PRKAR1A: variants seen among roughly 807,000 people sequenced by gnomAD.
PRKAR1A encodes cAMP-dependent protein kinase type I-alpha regulatory subunit.
In PRKAR1A, 3 loss-of-function variants were observed where a neutral mutation model predicts 52.0. That is an observed-to-expected ratio of 0.06 (90% confidence interval 0.03 to 0.15). The LOEUF is 0.15. Ranked by LOEUF, PRKAR1A falls within the 10% of genes least tolerant of loss-of-function variation. PRKAR1A has a pLI of 1.00. For synonymous variants in PRKAR1A, 188 were observed against 168.4 expected (o/e 1.12, Z -0.90); for missense variants, 240 against 477.4 (o/e 0.50, Z 4.63).
chr17:68,446,903 G>A, the PRKAR1A span, among the ~76,000 whole-genome samples: 1 of 152,170 alleles, frequency 6.6e-6, no homozygotes, highest in African/African-American at 2.4e-5. Flanking sequence ...ACTAAACGCA[G>A]AGGGAAACAG....
At chr17:68,417,832 G>A in the PRKAR1A span, among the ~76,000 whole-genome samples, 1 of 131,362 alleles carries the variant, frequency 7.6e-6, no homozygotes, top group African/African-American at 2.8e-5. Flanking sequence ...CCAGGTTCAC[G>A]TGGTTCTCCT....
the PRKAR1A span, among the ~76,000 whole-genome samples, chr17:68,446,357 A>AT: frequency 6.6e-6 from 1 of 151,668 alleles, no homozygotes; most frequent in South Asian, 2.1e-4. Flanking sequence ...ATTTTTTGGT[A>AT]TTTTTTGTAG....
At chr17:68,448,876 T>C in the PRKAR1A span, among the ~76,000 whole-genome samples, 2 of 152,214 alleles carry the variant, frequency 1.3e-5, no homozygotes, top group African/African-American at 2.4e-5. Context: ...CAAACTGCCT[T>C]TCCCTCCCTT....
At chr17:68,438,428 G>T in the PRKAR1A span, among the ~76,000 whole-genome samples, 1 of 152,340 alleles carries the variant, frequency 6.6e-6, no homozygotes, top group East Asian at 1.9e-4. Flanking sequence ...TTGTGAAACT[G>T]GGGAGGGAAG....
chr17:68,525,657 G>A, intron 6 of PRKAR1A, 97 bp from the exon 7 acceptor site: 1 of 1,343,526 alleles, frequency 7.4e-7, no homozygotes, highest in Non-Finnish European at 1.1e-6. Flanking sequence ...TTAAAACAAA[G>A]TTCAGGATTG....
chr17:68,420,151 C>T, the PRKAR1A span: 2 of 1,606,318 alleles, frequency 1.2e-6, no homozygotes, highest in Admixed American at 3.4e-5. Flanking sequence ...GGGCAACTGT[C>T]AGGGTTAGCG....
the PRKAR1A span, among the ~76,000 whole-genome samples, chr17:68,470,859 T>C: frequency 2.0e-5 from 3 of 152,174 alleles, no homozygotes; most frequent in Non-Finnish European, 2.9e-5. Context: ...AAATAATGTA[T>C]GAAAGATTGC....
the PRKAR1A span, among the ~76,000 whole-genome samples, chr17:68,479,321 CAT>C: frequency 1.7e-4 from 26 of 152,180 alleles, no homozygotes; most frequent in Admixed American, 4.6e-4. Flanking sequence ...GTACAGATGA[CAT>C]AATCTCTTTT....
the PRKAR1A span, among the ~76,000 whole-genome samples, chr17:68,469,102 A>G: frequency 2.0e-5 from 3 of 152,204 alleles, no homozygotes; most frequent in African/African-American, 7.2e-5. Context: ...GTCCTGCTTC[A>G]GTGACTCCCA....
chr17:68,495,607 T>C, the PRKAR1A span, among the ~76,000 whole-genome samples: 1 of 152,206 alleles, frequency 6.6e-6, no homozygotes, highest in Admixed American at 6.5e-5. Flanking sequence ...ATGTTTGTAT[T>C]GCACGTGCTT....
the PRKAR1A span, among the ~76,000 whole-genome samples, chr17:68,460,445 G>C: frequency 3.3e-5 from 5 of 152,234 alleles, no homozygotes; most frequent in Non-Finnish European, 5.9e-5. Context: ...CAGCAGAACT[G>C]CATGCTTACT....
chr17:68,450,865 G>C, the PRKAR1A span: 1 of 1,613,894 alleles, frequency 6.2e-7, no homozygotes, highest in Non-Finnish European at 8.5e-7. Context: ...CTGGAGAAGA[G>C]GCGCTCCACG....
chr17:68,497,349 C>T, the PRKAR1A span, among the ~76,000 whole-genome samples: 8 of 152,130 alleles, frequency 5.3e-5, no homozygotes, highest in East Asian at 1.2e-3. Flanking sequence ...ACCTATTTGA[C>T]CGTTGACAGA....
At chr17:68,465,629 T>TTTTTTTTTTG in the PRKAR1A span, among the ~76,000 whole-genome samples, 1 of 128,260 alleles carries the variant, frequency 7.8e-6, no homozygotes, top group Admixed American at 7.6e-5. Context: ...CCAGCAATTT[T>TTTTTTTTTTG]TTTTTTTTTT....
chr17:68,515,183 A>G, intron 1 of PRKAR1A: 1 of 584,556 alleles, frequency 1.7e-6, no homozygotes, highest in Non-Finnish European at 3.0e-6. Flanking sequence ...CCTACAGAGC[A>G]CAGATCCTGA....
the PRKAR1A span, among the ~76,000 whole-genome samples, chr17:68,489,404 A>ATATATATATGGAAAG: frequency 2.0e-4 from 1 of 4,936 alleles, no homozygotes; most frequent in Non-Finnish European, 4.4e-4. Context: ...TATGGAAAGT[A>ATATATATATGGAAAG]TATATATATA....
chr17:68,520,807 G>A (rs577794403), intron 2 of PRKAR1A, among the ~76,000 whole-genome samples: 9 of 152,182 alleles, frequency 5.9e-5, no homozygotes, highest in Non-Finnish European at 1.3e-4. Context: ...ATTCAGTGAA[G>A]TAGAATGTAG....
At chr17:68,435,498 TTC>T in the PRKAR1A span, 1 of 957,508 alleles carries the variant, frequency 1.0e-6, no homozygotes. Context: ...CTGAAACAAA[TTC>T]TGAGTGGGCC....
chr17:68,450,087 A>G, the PRKAR1A span, among the ~76,000 whole-genome samples: 4 of 152,246 alleles, frequency 2.6e-5, no homozygotes, highest in Non-Finnish European at 5.9e-5. Context: ...ATACTTACTG[A>G]ATAAGAATTT....
Sources: gnomAD v4.1 joint callset for allele counts (sites outside exome capture counted in the v4.1 genomes callset) on GRCh38, gnomAD v4.1.1 for gene constraint, MANE v1.5 for transcripts, NCBI Gene and HGNC (gene_info 2026-07-23, HGNC 2026-07-21) for gene names.